ZNF585B: variants seen among roughly 807,000 people sequenced by gnomAD.
ZNF585B encodes zinc finger protein 585B.
ZNF585B carries 7 observed loss-of-function variants against 14.0 expected under a neutral mutation model. That is an observed-to-expected ratio of 0.50 (90% CI 0.28 to 0.94). The LOEUF (loss-of-function observed/expected upper bound fraction) is 0.94, where lower values mean the gene tolerates loss of function less well. Among genes scored for constraint, ZNF585B ranks in the 40% least tolerant of loss-of-function variants. ZNF585B has a pLI of 0.09. For missense variants in ZNF585B, 750 were observed against 924.4 expected, an observed-to-expected ratio of 0.81 and a Z score of 2.45; for synonymous variants, 290 against 317.3, an observed-to-expected ratio of 0.91 and a Z score of 0.91.
In ZNF585B at chr19:37,182,859, A is replaced by G. The variant is rs1972278319; in HGVS notation, c.*2368T>C. ...ACCCAGCAACTGTGCATCTAATCAG[A>G]TCATCTGTCAGCATCTGTAAGGCCA... is the stretch of plus-strand genomic sequence containing the variant. On this transcript the variant is annotated 3_prime_UTR_variant, in exon 5 of 5. Coordinates refer to ENST00000532828, the MANE Select transcript of ZNF585B (RefSeq NM_152279.4). 1 of 152,294 alleles carries G rather than the reference A, an allele frequency of 6.6e-6. No individual in the cohort carries two copies. Among genetic ancestry groups the G allele is most frequent in the African/African-American group, 2.4e-5 (1 of 41,430 alleles). 9.4% of individuals were successfully genotyped at this position (152,294 alleles called of 1,614,324 possible). A position where few individuals can be genotyped will look rare whatever the true frequency, so the allele number is the denominator to read the frequency against.
In ZNF585B at chr19:37,207,092, G is replaced by A; in HGVS notation, c.20C>T (p.Ser7Leu). 1 of 1,614,152 alleles carries A rather than the reference G, an allele frequency of 6.2e-7. No homozygotes were observed. Among genetic ancestry groups the A allele is most frequent in the Non-Finnish European group, 8.5e-7 (1 of 1,180,028 alleles). Residue 7 changes from serine to leucine, a missense_variant, in exon 2 of 5, where the codon TCA (serine) becomes TTA (leucine). Around this residue, in one of 2 missense-constraint regions of ZNF585B, gnomAD observed 517 missense variants for 570.3 expected, o/e 0.91. Transcript: ENST00000532828. ...AGCCAGGGCTGAGGATTTCTGGGGT[G>A]AGGTCCAACTAGCTGGCATGGCCAC... The part of the protein sequence containing the change: MPASWT[S>L]PQKSSALAPE...
chr19:37,199,166 T>G, intron 2 of ZNF585B: 3 of 524,896 alleles, frequency 5.7e-6, no homozygotes, highest in African/African-American at 1.9e-5. Flanking sequence ...AAGAATTTAG[T>G]AGGAACACGA....
chr19:37,197,134 C>T (rs904821204), intron 2 of ZNF585B, among the ~76,000 whole-genome samples: 3 of 151,928 alleles, frequency 2.0e-5, no homozygotes, highest in South Asian at 2.1e-4. Flanking sequence ...TCTCCCAGCC[C>T]CCCACCCCAC....
chr19:37,193,114 G>A (rs571910560), intron 2 of ZNF585B, among the ~76,000 whole-genome samples: 7 of 152,030 alleles, frequency 4.6e-5, no homozygotes, highest in Non-Finnish European at 1.0e-4. Context: ...CAGCCTGGGC[G>A]ACAGTGCAAG....
intron 2 of ZNF585B, among the ~76,000 whole-genome samples, chr19:37,196,939 G>A (rs1009350945): frequency 6.6e-6 from 1 of 152,094 alleles, no homozygotes; most frequent in Non-Finnish European, 1.5e-5. Flanking sequence ...AGCCTGCATC[G>A]TTTGAAGGAC....
At chr19:37,203,353 G>A (rs547078792) in intron 2 of ZNF585B, among the ~76,000 whole-genome samples, 1 of 152,024 alleles carries the variant, frequency 6.6e-6, no homozygotes, top group South Asian at 2.1e-4. Flanking sequence ...AGTGGCAGGT[G>A]CCTGTAATTC....
At chr19:37,199,454 A>G (rs754582762) in intron 2 of ZNF585B, 3 of 452,688 alleles carry the variant, frequency 6.6e-6, no homozygotes, top group South Asian at 4.7e-5. Context: ...GAACCTGGGA[A>G]GTCCAGGCTA....
In ZNF585B at chr19:37,186,789, C is replaced by T. The variant is rs139742522; in HGVS notation, c.748G>A (p.Ala250Thr). Reference protein sequence around the residue: ...RHHECTDCGKAFTQKSTLKIH... With the variant: ...RHHECTDCGKTFTQKSTLKIH... ...TTGAGTGTGGACTTTTGTGTGAACG[C>T]TTTGCCACAGTCAGTGCATTCATGG... The change falls in exon 5 of 5, where the codon GCG (alanine) becomes ACG (threonine). Residue 250 changes from alanine to threonine, a missense_variant. Around this residue, in one of 2 missense-constraint regions of ZNF585B, gnomAD observed 517 missense variants for 570.3 expected, o/e 0.91. Transcript: ENST00000532828. The T allele has an allele frequency of 1.9e-6, 3 of 1,614,018 alleles. No individual in the cohort carries two copies. Among genetic ancestry groups the T allele is most frequent in the African/African-American group, 1.3e-5 (1 of 74,904 alleles).
chr19:37,200,395 C>G (rs1240370047), intron 2 of ZNF585B, among the ~76,000 whole-genome samples: 1 of 150,600 alleles, frequency 6.6e-6, no homozygotes, highest in Non-Finnish European at 1.5e-5. Context: ...ACTAAAAATA[C>G]AAAAATTAGC....
chr19:37,193,487 A>G (rs1246878762), intron 2 of ZNF585B, among the ~76,000 whole-genome samples: 2 of 150,012 alleles, frequency 1.3e-5, no homozygotes, highest in Non-Finnish European at 3.0e-5. Flanking sequence ...AAAAAAAAAA[A>G]GAGAACTAAG....
chr19:37,199,316 C>G, intron 2 of ZNF585B: 1 of 341,968 alleles, frequency 2.9e-6, no homozygotes, highest in Non-Finnish European at 5.7e-6. Context: ...TGCTTGAGCC[C>G]AGGAGTTCAA....
At chr19:37,202,477 T>C (rs1212291890) in intron 2 of ZNF585B, among the ~76,000 whole-genome samples, 3 of 152,232 alleles carry the variant, frequency 2.0e-5, no homozygotes. Context: ...GAAAATCAAC[T>C]GTAAAATCAC....
intron 2 of ZNF585B, among the ~76,000 whole-genome samples, chr19:37,193,155 A>C (rs114567231): frequency 0.015 from 2,200 of 151,698 alleles, 58 homozygotes; most frequent in African/African-American, 0.05. Flanking sequence ...CAAAACAAAA[A>C]AAAACACCAC....
At chr19:37,203,264 A>C (rs1972551443) in intron 2 of ZNF585B, among the ~76,000 whole-genome samples, 1 of 152,090 alleles carries the variant, frequency 6.6e-6, no homozygotes, top group African/African-American at 2.4e-5. Context: ...AAAGGCACTT[A>C]ATCTATAGTT....
At chr19:37,189,419 G>T (rs1264899507) in intron 4 of ZNF585B, 1 of 483,772 alleles carries the variant, frequency 2.1e-6, no homozygotes, top group Non-Finnish European at 3.7e-6. Flanking sequence ...TTACAGAAAA[G>T]GAATATAATA....
chr19:37,189,922 A>G, intron 3 of ZNF585B, 102 bp downstream of exon 3: 3 of 1,572,640 alleles, frequency 1.9e-6, no homozygotes, highest in Non-Finnish European at 1.7e-6. Context: ...GGAAAAAAGG[A>G]CAAAACCATC....
At position 37,189,730 on chromosome 19, in the gene ZNF585B, C is replaced by A. The variant is rs1972378713; in HGVS notation, c.223G>T (p.Val75Leu). The part of the protein sequence containing the change: ...SVGYQVPKPE[V>L]VMLEQGKEPW... ...TCCTTTCCTTGCTCCAACATGACCA[C>A]CTCTGGTTTAGGAACTTGATACCCT... Residue 75 changes from valine (V) to leucine (L), a missense_variant, in exon 4 of 5, where the codon GTG becomes TTG. Physicochemically the swap from Val to Leu is conservative, Grantham distance 32 (BLOSUM62 1). Coordinates refer to ENST00000532828, the MANE Select transcript of ZNF585B (RefSeq NM_152279.4). 6.2e-7 allele frequency: 1 copy of A among 1,613,962 alleles called. No individual in the cohort carries two copies. The highest frequency in any genetic ancestry group is 1.1e-5 in the South Asian group (1 of 91,080).
rs149488518 is a variant in ZNF585B at position 37,186,689 on chromosome 19, G to A, written c.848C>T (p.Thr283Ile). Residue 283 changes from threonine to isoleucine, a missense_variant, in exon 5 of 5, where the codon ACA (threonine) becomes ATA (isoleucine). By Grantham distance (89) the Thr-to-Ile change is moderately conservative. Around this residue, in one of 2 missense-constraint regions of ZNF585B, gnomAD observed 517 missense variants for 570.3 expected, o/e 0.91. Coordinates refer to ENST00000532828, the MANE Select transcript of ZNF585B (RefSeq NM_152279.4). ...IECGQAFIQK[T>I]QLIAHRRIHS... ...AATTCTTCGGTGTGCAATCAATTGT[G>A]TTTTCTGGATGAAGGCCTGCCCGCA... is the stretch of plus-strand genomic sequence containing the variant. 10 of 1,614,038 alleles carry A rather than the reference G, an allele frequency of 6.2e-6. No individual in the cohort carries two copies. The African/African-American group carries it at 1.3e-4, about 22-fold the overall frequency.
chr19:37,203,721 C>T (rs1414431503), intron 2 of ZNF585B, among the ~76,000 whole-genome samples: 7 of 152,004 alleles, frequency 4.6e-5, no homozygotes, highest in Admixed American at 2.0e-4. Context: ...CTCCACCTCC[C>T]GGGTTCAAGC....
Sources: gnomAD v4.1 joint callset for allele counts (sites outside exome capture counted in the v4.1 genomes callset) on GRCh38, gnomAD v4.1.1 for gene constraint, gnomAD v4.1.1 regional missense constraint, MANE v1.5 for transcripts, NCBI Gene and HGNC (gene_info 2026-07-23, HGNC 2026-07-21) for gene names.